The following TDRD6 variants were observed in gnomAD, a reference collection of about 807,000 sequenced individuals.
TDRD6 encodes tudor domain-containing protein 6.
TDRD6 carries 186 observed loss-of-function variants against 157.5 expected under a neutral mutation model. The ratio of observed to expected loss-of-function variants is 1.18; its 90% CI spans 1.05 to 1.33. TDRD6 has a LOEUF of 1.33. TDRD6 is among the 40% of genes most tolerant of loss of function. The pLI is 0.00. For synonymous variants in TDRD6, 1,075 were observed against 945.2 expected, an observed-to-expected ratio of 1.14 and a Z score of -2.52; for missense variants, 3,066 against 2,508.0, an observed-to-expected ratio of 1.22 and a Z score of -4.75.
At position 46,689,480 on chromosome 6, in the gene TDRD6, C is replaced by G. The variant is rs746834847; in HGVS notation, c.1352C>G (p.Ala451Gly). ...GCTGACCGAGTCCTTCAGAGCCAGG[C>G]AACAGAGGAGGAGGAACCAGAAACA... ...CLADRVLQSQ[A>G]TEEEEPETSQ... Residue 451 changes from alanine to glycine, a missense_variant, in exon 1 of 4, where the codon GCA becomes GGA. Physicochemically the swap from Ala to Gly is moderately conservative, Grantham distance 60 (BLOSUM62 0). Coordinates refer to ENST00000316081, the MANE Select transcript of TDRD6 (RefSeq NM_001010870.3). The G allele has an allele frequency of 1.5e-5, 24 of 1,613,546 alleles. No homozygotes were observed. Among genetic ancestry groups the G allele is most frequent in the Non-Finnish European group, 2.0e-5 (24 of 1,180,038 alleles).
the TDRD6 span, among the ~76,000 whole-genome samples, chr6:46,680,995 C>T: frequency 6.6e-6 from 1 of 152,194 alleles, no homozygotes; most frequent in East Asian, 1.9e-4. Context: ...TACATATCAG[C>T]GTCCCCTACA....
At position 46,690,547 on chromosome 6, in the gene TDRD6, T is replaced by A. The variant is rs1764277316; in HGVS notation, c.2419T>A (p.Tyr807Asn). The A allele has an allele frequency of 1.2e-6, 2 of 1,614,192 alleles. No homozygotes were observed. Among genetic ancestry groups the A allele is most frequent in the Non-Finnish European group, 1.7e-6 (2 of 1,180,030 alleles). Residue 807 changes from tyrosine to asparagine, a missense_variant, in exon 1 of 4, where the codon TAC becomes AAC. Transcript: ENST00000316081. Reference sequence around the variant, plus strand: ...TAAAACTCTAATGTCTGATATTCAGTACTATTGCAAAAATACAGCTGCTCC... The same window carrying A: ...TAAAACTCTAATGTCTGATATTCAGAACTATTGCAAAAATACAGCTGCTCC... ...GLKTLMSDIQYYCKNTAAPHQ... is the reference protein window; with the variant it reads ...GLKTLMSDIQNYCKNTAAPHQ...
upstream of TDRD6, chr6:46,687,858 A>G: frequency 2.5e-6 from 1 of 405,164 alleles, no homozygotes; most frequent in South Asian, 4.1e-5. Context: ...CGCGGCCGGA[A>G]GTGGCGGCGC....
rs1428196394 is a variant in TDRD6 at position 46,693,670 on chromosome 6, T to C, written c.5542T>C (p.Phe1848Leu). ...TTCTCCTGATGATGAATCAAAAGAA[T>C]TCTTAGAACTGGAATCTATTGAGTT... ...PLSPDDESKE[F>L]LELESIELQN... Residue 1848 changes from phenylalanine to leucine, a missense_variant, in exon 1 of 4, where the codon TTC becomes CTC. By Grantham distance (22) the Phe-to-Leu change is conservative. Coordinates refer to ENST00000316081, the MANE Select transcript of TDRD6 (RefSeq NM_001010870.3). 1 of 1,614,184 alleles carries C rather than the reference T, an allele frequency of 6.2e-7. No individual in the cohort carries two copies. The highest frequency in any genetic ancestry group is 2.2e-5 in the East Asian group (1 of 44,876).
At position 46,690,043 on chromosome 6, in the gene TDRD6, C is replaced by A; in HGVS notation, c.1915C>A (p.His639Asn). ...LVIHILDKQD[H>N]QYVIEILDES... ...CATCCATATTCTTGATAAACAGGAT[C>A]ATCAATATGTTATTGAGATTCTTGA... The change falls in exon 1 of 4, where the codon CAT (histidine) becomes AAT (asparagine). Residue 639 changes from histidine to asparagine, a missense_variant. By Grantham distance (68) the His-to-Asn change is moderately conservative (BLOSUM62 1). Coordinates refer to ENST00000316081, the MANE Select transcript of TDRD6 (RefSeq NM_001010870.3). The A allele has an allele frequency of 6.2e-7, 1 of 1,613,982 alleles. No homozygotes were observed. The highest frequency in any genetic ancestry group is 8.5e-7 in the Non-Finnish European group (1 of 1,179,980).
upstream of TDRD6, chr6:46,687,808 T>A: frequency 3.3e-6 from 1 of 303,046 alleles, no homozygotes; most frequent in Admixed American, 5.1e-5. Flanking sequence ...CCCTTAGGCG[T>A]TAGGCCAACC....
At chr6:46,699,564 C>A (rs1273813367) in intron 3 of TDRD6, among the ~76,000 whole-genome samples, 3 of 152,162 alleles carry the variant, frequency 2.0e-5, no homozygotes, top group Non-Finnish European at 2.9e-5. Flanking sequence ...CCCTAGTCCA[C>A]TGGCTATAAA....
rs1042009766 is a variant in TDRD6 at position 46,703,903 on chromosome 6, G to A, written c.*2016G>A. 1.3e-5 allele frequency: 2 copies of A among 152,298 alleles called. No homozygotes were observed. Among genetic ancestry groups the A allele is most frequent in the Non-Finnish European group, 2.9e-5 (2 of 68,150 alleles). 9.4% of individuals were successfully genotyped at this position (152,298 alleles called of 1,614,324 possible). ...AATGCCTTAAAGAATTAAAGAAAGTGTCAAAAAATTACCAATTTAATCCAC... is the reference window on the plus strand; with the variant it reads ...AATGCCTTAAAGAATTAAAGAAAGTATCAAAAAATTACCAATTTAATCCAC... On this transcript the variant is annotated 3_prime_UTR_variant, in exon 4 of 4. Coordinates refer to ENST00000316081, the MANE Select transcript of TDRD6 (RefSeq NM_001010870.3).
rs759445214 is a variant in TDRD6, at chr6:46,689,182, G to A, written c.1054G>A (p.Glu352Lys). 3.1e-6 allele frequency: 5 copies of A among 1,614,188 alleles called. No homozygotes were observed. The South Asian group carries it at 3.3e-5, about 11-fold the overall frequency. ...QVLHVDYGRK[E>K]LVSCSSLRYL... is the part of the protein sequence containing the mutation. ...GCTTCATGTGGACTATGGAAGGAAG[G>A]AGTTAGTGAGTTGCAGCAGCCTTCG... The change falls in exon 1 of 4, where the codon GAG (glutamate) becomes AAG (lysine). Residue 352 changes from glutamate (E) to lysine (K), a missense_variant. Transcript: ENST00000316081.
chr6:46,701,780 A>G (rs950757836), intron 3 of TDRD6, 78 bp from the exon 4 acceptor site: 2 of 1,443,380 alleles, frequency 1.4e-6, no homozygotes, highest in Non-Finnish European at 1.9e-6. Flanking sequence ...TACATTTGTC[A>G]TGGTAACACC....
chr6:46,688,819 C>T lies in TDRD6; in HGVS notation c.691C>T (p.Pro231Ser), dbSNP rs775796542. 6 of 1,612,428 alleles carry T rather than the reference C, an allele frequency of 3.7e-6. No individual in the cohort carries two copies. Among genetic ancestry groups the T allele is most frequent in the Non-Finnish European group, 5.1e-6 (6 of 1,179,744 alleles). ...GSGVPVLSRV[P>S]LKQKQPGLDY... ...CGGGGTCCCGGTTCTCTCGCGAGTC[C>T]CGCTCAAGCAAAAGCAGCCTGGTCT... is the stretch of plus-strand genomic sequence containing the variant. Residue 231 changes from proline (P) to serine (S), a missense_variant, in exon 1 of 4, where the codon CCG becomes TCG. Coordinates refer to ENST00000316081, the MANE Select transcript of TDRD6 (RefSeq NM_001010870.3).
At chr6:46,680,873 T>G in the TDRD6 span, among the ~76,000 whole-genome samples, 1 of 152,218 alleles carries the variant, frequency 6.6e-6, no homozygotes. Context: ...TTTATTTGTA[T>G]TGGTTAAATT....
chr6:46,683,194 C>T (rs555219030), upstream of TDRD6, among the ~76,000 whole-genome samples: 20 of 151,980 alleles, frequency 1.3e-4, no homozygotes, highest in Non-Finnish European at 2.5e-4. Context: ...TTGGCAAAAG[C>T]ACCAAGATAA....
chr6:46,693,154 GA>G lies in TDRD6; in HGVS notation c.5027del (p.Asp1676ValfsTer4), dbSNP rs763686150. The G allele has an allele frequency of 6.2e-7, 1 of 1,610,206 alleles. No individual in the cohort carries two copies. The highest frequency in any genetic ancestry group is 8.5e-7 in the Non-Finnish European group (1 of 1,178,628). ...TILEIRRDVC[D>X]IPLAIVDLKS... ...ACTAGAAATCAGAAGGGATGTTTGT[GA>G]TATCCCTTTAGCAATTGTTGACTTG... On this transcript the variant is annotated frameshift_variant, in exon 1 of 4. Coordinates refer to ENST00000316081, the MANE Select transcript of TDRD6 (RefSeq NM_001010870.3). LOFTEE classifies it high-confidence loss of function.
At chr6:46,695,542 A>G (rs568177780) in intron 1 of TDRD6, among the ~76,000 whole-genome samples, 7 of 152,212 alleles carry the variant, frequency 4.6e-5, no homozygotes, top group Admixed American at 2.6e-4. Context: ...TAATAGTACC[A>G]TATTTTATTA....
rs1764367082 is a variant in TDRD6 at position 46,692,606 on chromosome 6, A to C, written c.4478A>C (p.Lys1493Thr). The C allele has an allele frequency of 2.5e-6, 4 of 1,613,670 alleles. No individual in the cohort carries two copies. The East Asian group carries it at 8.9e-5, about 36-fold the overall frequency. The change falls in exon 1 of 4, where the codon AAA becomes ACA. Residue 1493 changes from lysine (K) to threonine (T), a missense_variant. Coordinates refer to ENST00000316081, the MANE Select transcript of TDRD6 (RefSeq NM_001010870.3). ...SQVELSTQVI[K>T]SASSKSVNKS... ...GTAGAACTTTCTACCCAAGTAATTA[A>C]AAGTGCCAGTTCAAAGTCTGTTAAC...
Position 46,693,630 on chromosome 6 carries a change from A to C in TDRD6, c.5502A>C (p.Ser1834=), listed in dbSNP as rs771978608. Residue 1834 remains serine (S), a synonymous_variant, in exon 1 of 4, where the codon TCA becomes TCC. Transcript: ENST00000316081. The part of the protein sequence containing the change: ...NETKEILELN[S]LEVPLSPDDE... ...CAAAGGAGATACTAGAACTGAATTCACTTGAGGTGCCGCTTTCTCCTGATG... is the reference window on the plus strand; with the variant it reads ...CAAAGGAGATACTAGAACTGAATTCCCTTGAGGTGCCGCTTTCTCCTGATG... 2 of 1,614,192 alleles carry C rather than the reference A, an allele frequency of 1.2e-6. No individual in the cohort carries two copies. The highest frequency in any genetic ancestry group is 4.5e-5 in the East Asian group (2 of 44,886).
At position 46,692,538 on chromosome 6, in the gene TDRD6, A is replaced by G. The variant is rs1299936058; in HGVS notation, c.4410A>G (p.Ala1470=). 6.2e-7 allele frequency: 1 copy of G among 1,613,788 alleles called. No homozygotes were observed. Among genetic ancestry groups the G allele is most frequent in the Non-Finnish European group, 8.5e-7 (1 of 1,180,030 alleles). The change falls in exon 1 of 4, where the codon GCA becomes GCG. Residue 1470 remains alanine (A), a synonymous_variant. Coordinates refer to ENST00000316081, the MANE Select transcript of TDRD6 (RefSeq NM_001010870.3). ...VILADEHGII[A]DDMISRYALS... ...TTGCTGATGAACATGGGATCATAGC[A>G]GATGATATGATTAGCAGGTATGCTC...
In TDRD6 at chr6:46,691,508, T is replaced by C; in HGVS notation, c.3380T>C (p.Leu1127Ser). The change falls in exon 1 of 4, where the codon TTA (leucine) becomes TCA (serine). Residue 1127 changes from leucine (L) to serine (S), a missense_variant. Physicochemically the swap from Leu to Ser is moderately radical, Grantham distance 145. Coordinates refer to ENST00000316081, the MANE Select transcript of TDRD6 (RefSeq NM_001010870.3). Reference sequence around the variant, plus strand: ...ATTTTAGATAAGTCATTGAAGGCTTTAGTTGTAGCAAAAGATCCAGATGGA... The same window carrying C: ...ATTTTAGATAAGTCATTGAAGGCTTCAGTTGTAGCAAAAGATCCAGATGGA... ...ETILDKSLKALVVAKDPDGTL... is the reference protein window; with the variant it reads ...ETILDKSLKASVVAKDPDGTL... The C allele has an allele frequency of 6.2e-7, 1 of 1,614,076 alleles. No individual in the cohort carries two copies. The highest frequency in any genetic ancestry group is 1.7e-5 in the Admixed American group (1 of 60,034).
Sources: allele counts gnomAD v4.1 joint callset (sites outside exome capture counted in the v4.1 genomes callset), GRCh38; gene constraint gnomAD v4.1.1; transcripts MANE v1.5; gene names NCBI Gene and HGNC (gene_info 2026-07-23, HGNC 2026-07-21).